Variants in ADORA2B observed in about 807,000 individuals in gnomAD.
ADORA2B encodes adenosine receptor A2b.
ADORA2B carries 18 observed loss-of-function variants against 20.8 expected under a neutral mutation model. That is an observed-to-expected ratio of 0.87 (90% CI 0.60 to 1.29). ADORA2B has a LOEUF of 1.29. Ranked by LOEUF, ADORA2B falls within the 50% of genes most tolerant of loss-of-function variation. ADORA2B has a pLI of 0.00. For missense variants in ADORA2B, 441 were observed against 422.7 expected, an observed-to-expected ratio of 1.04 and a Z score of -0.38; for synonymous variants, 179 against 178.3, an observed-to-expected ratio of 1.00 and a Z score of -0.03.
the ADORA2B span, among the ~76,000 whole-genome samples, chr17:15,870,687 C>G: frequency 6.6e-6 from 1 of 152,164 alleles, no homozygotes; most frequent in South Asian, 2.1e-4. Flanking sequence ...TTCTCACAGA[C>G]AAGCACTAAA....
chr17:15,901,532 A>G, the ADORA2B span, among the ~76,000 whole-genome samples: 3 of 151,960 alleles, frequency 2.0e-5, no homozygotes, highest in Admixed American at 6.5e-5. Context: ...CATATTTACT[A>G]TGTCTACTTA....
chr17:15,951,722 T>C (rs1969904601), intron 1 of ADORA2B, among the ~76,000 whole-genome samples: 1 of 152,144 alleles, frequency 6.6e-6, no homozygotes. Flanking sequence ...CCCTCTCCCT[T>C]CGGGGAGGGT....
At chr17:15,872,226 A>G in the ADORA2B span, among the ~76,000 whole-genome samples, 7 of 152,330 alleles carry the variant, frequency 4.6e-5, no homozygotes, top group African/African-American at 1.7e-4. Context: ...GGAATGTACT[A>G]AAAGCCACTG....
chr17:15,936,129 G>T, the ADORA2B span, among the ~76,000 whole-genome samples: 2 of 151,750 alleles, frequency 1.3e-5, no homozygotes, highest in Non-Finnish European at 1.5e-5. Flanking sequence ...TGCCCTTCTT[G>T]CCCCTTGGCT....
chr17:15,878,375 T>G, the ADORA2B span, among the ~76,000 whole-genome samples: 1 of 152,192 alleles, frequency 6.6e-6, no homozygotes. Context: ...GGTCTGGTGC[T>G]CTGCCACAGG....
chr17:15,879,817 A>G, the ADORA2B span, among the ~76,000 whole-genome samples: 8,825 of 143,734 alleles, frequency 0.061, 965 homozygotes, highest in African/African-American at 0.22. Flanking sequence ...GTTTACAGGC[A>G]TCAGCCACCG....
chr17:15,939,846 C>A, the ADORA2B span, among the ~76,000 whole-genome samples: 1 of 123,818 alleles, frequency 8.1e-6, no homozygotes, highest in Non-Finnish European at 1.6e-5. Flanking sequence ...GGTAACAGAG[C>A]GAGACTCTGT....
At chr17:15,911,538 A>C in the ADORA2B span, among the ~76,000 whole-genome samples, 1 of 152,116 alleles carries the variant, frequency 6.6e-6, no homozygotes, top group Non-Finnish European at 1.5e-5. Flanking sequence ...TCCACACTGG[A>C]GCCATACCAG....
chr17:15,876,108 C>T, the ADORA2B span, among the ~76,000 whole-genome samples: 5 of 151,518 alleles, frequency 3.3e-5, no homozygotes, highest in Admixed American at 1.3e-4. Context: ...TATTCTTTTT[C>T]TTTTTTTTTC....
the ADORA2B span, among the ~76,000 whole-genome samples, chr17:15,875,357 T>C: frequency 1.3e-5 from 2 of 152,344 alleles, no homozygotes; most frequent in East Asian, 3.9e-4. Context: ...ATGTTATATT[T>C]TGATCTCCTA....
intron 1 of ADORA2B, among the ~76,000 whole-genome samples, chr17:15,948,407 G>GGGGGGGGGGGGGGGGGGCC (rs56222691): frequency 3.0e-5 from 1 of 33,772 alleles, no homozygotes; most frequent in Admixed American, 2.9e-4. Context: ...GCGGCGGGGG[G>GGGGGGGGGGGGGGGGGGCC]CTCCAGTCCC....
the ADORA2B span, among the ~76,000 whole-genome samples, chr17:15,884,641 A>G: frequency 2.6e-5 from 4 of 151,926 alleles, no homozygotes; most frequent in East Asian, 3.9e-4. Flanking sequence ...GCATCATTCA[A>G]CTCCCACTTA....
chr17:15,853,134 A>G, the ADORA2B span, among the ~76,000 whole-genome samples: 2 of 152,200 alleles, frequency 1.3e-5, no homozygotes, highest in African/African-American at 4.8e-5. Context: ...AGAAACCTTA[A>G]TATCAAAGGA....
chr17:15,868,758 C>T, the ADORA2B span, among the ~76,000 whole-genome samples: 8 of 145,000 alleles, frequency 5.5e-5, 2 homozygotes, highest in Admixed American at 2.7e-4. Flanking sequence ...CCAGCCTGGG[C>T]GACAGAGTGA....
chr17:15,944,034 A>T (rs147840548), upstream of ADORA2B, among the ~76,000 whole-genome samples: 46 of 152,204 alleles, frequency 3.0e-4, 1 homozygote, highest in East Asian at 5.0e-3. The surrounding 1 kb of genome is among the most constrained non-coding windows in gnomAD (Gnocchi z 4.8). Flanking sequence ...TCGGGGCAGG[A>T]CTTTGGGGGT....
chr17:15,940,079 C>G, the ADORA2B span, among the ~76,000 whole-genome samples: 1 of 152,164 alleles, frequency 6.6e-6, no homozygotes, highest in Non-Finnish European at 1.5e-5. Flanking sequence ...TGAAACAATA[C>G]ATGTGGTAAC....
At chr17:15,929,333 C>T in the ADORA2B span, among the ~76,000 whole-genome samples, 1 of 152,226 alleles carries the variant, frequency 6.6e-6, no homozygotes, top group Non-Finnish European at 1.5e-5. Context: ...GCCAGGAGCA[C>T]TTTCTGGAGT....
At chr17:15,972,348 C>T in intron 1 of ADORA2B, among the ~76,000 whole-genome samples, 1 of 152,176 alleles carries the variant, frequency 6.6e-6, no homozygotes, top group Admixed American at 6.5e-5. Flanking sequence ...TAATGTCAAT[C>T]AAATTATTTC....
chr17:15,908,793 G>C, the ADORA2B span, among the ~76,000 whole-genome samples: 1 of 152,030 alleles, frequency 6.6e-6, no homozygotes, highest in African/African-American at 2.4e-5. Context: ...GAAACAGAGT[G>C]TACCTGTTTC....
Sources: allele counts gnomAD v4.1 joint callset (sites outside exome capture counted in the v4.1 genomes callset), GRCh38; gene constraint gnomAD v4.1.1; non-coding constraint Gnocchi (gnomAD v3.1); transcripts MANE v1.5; gene names NCBI Gene and HGNC (gene_info 2026-07-23, HGNC 2026-07-21).